PTAFR: variants seen among roughly 807,000 people sequenced by gnomAD.
The protein encoded by PTAFR is platelet activating factor receptor.
In PTAFR, 8 loss-of-function variants were observed where a neutral mutation model predicts 14.7. That is an observed-to-expected ratio of 0.54 (90% CI 0.32 to 0.98). The LOEUF is 0.98. PTAFR is among the 50% of genes least tolerant of loss of function. The pLI is 0.04. For synonymous variants in PTAFR, 156 were observed against 176.5 expected (o/e 0.88, Z 0.92); for missense variants, 337 against 451.2 (o/e 0.75, Z 2.29).
chr1:28,171,663 A>G (rs72659810), intron 1 of PTAFR, among the ~76,000 whole-genome samples: 2,911 of 152,220 alleles, frequency 0.019, 46 homozygotes, highest in Admixed American at 0.028. Context: ...ATGAAGCACC[A>G]TGTCTGGGAG....
upstream of PTAFR, among the ~76,000 whole-genome samples, chr1:28,179,554 G>A (rs1629168): frequency 0.29 from 43,551 of 151,992 alleles, 6,469 homozygotes; most frequent in African/African-American, 0.33. Context: ...AGTGACTCAC[G>A]CCTGTAATCC....
In PTAFR at chr1:28,148,292, T is replaced by C. The variant is rs1030369916; in HGVS notation, c.*1701A>G. The C allele has an allele frequency of 3.9e-5, 6 of 152,304 alleles. No homozygotes were observed. Among genetic ancestry groups the C allele is most frequent in the South Asian group, 2.1e-4 (1 of 4,830 alleles). The allele number at this position is 152,304 out of a possible 1,614,324, so 9.4% of individuals were successfully genotyped here. A position where few individuals can be genotyped will look rare whatever the true frequency, so the allele number is the denominator to read the frequency against. Reference sequence around the variant, plus strand: ...AAGCTGACACCTGGCTGACACCTGCTGACAGTAACTGCTCCTCCCACCTCC... The same window carrying C: ...AAGCTGACACCTGGCTGACACCTGCCGACAGTAACTGCTCCTCCCACCTCC... On this transcript the variant is annotated 3_prime_UTR_variant, in exon 2 of 2. Coordinates refer to ENST00000373857, the MANE Select transcript of PTAFR (RefSeq NM_000952.5).
intron 1 of PTAFR, among the ~76,000 whole-genome samples, chr1:28,153,078 G>A (rs565835950): frequency 3.1e-4 from 47 of 152,050 alleles, no homozygotes; most frequent in African/African-American, 1.0e-3. Flanking sequence ...AGGACCGAGT[G>A]AGCCCAGGAG....
chr1:28,148,912 G>T lies in PTAFR; in HGVS notation c.*1081C>A, dbSNP rs947069769. The T allele has an allele frequency of 6.6e-6, 1 of 152,200 alleles. No individual in the cohort carries two copies. The highest frequency in any genetic ancestry group is 2.4e-5 in the African/African-American group (1 of 41,450). 9.4% of individuals were successfully genotyped at this position (152,200 alleles called of 1,614,324 possible). On this transcript the variant is annotated 3_prime_UTR_variant, in exon 2 of 2. Transcript: ENST00000373857. ...CCAATTTTGCTTTCAAGGGGCCTTT[G>T]CCCACCCTCAGTGGGTGGCTGCCCC...
chr1:28,189,262 C>T (rs1314325845), intron 1 of PTAFR, among the ~76,000 whole-genome samples: 1 of 152,084 alleles, frequency 6.6e-6, no homozygotes, highest in Non-Finnish European at 1.5e-5. Flanking sequence ...TATGATTCTT[C>T]AGTGCGATCC....
At position 28,149,856 on chromosome 1, in the gene PTAFR, AGGTGAGGTAGCC is replaced by A; in HGVS notation, c.*125_*136del. 1 of 1,182,734 alleles carries A rather than the reference AGGTGAGGTAGCC, an allele frequency of 8.5e-7. No homozygotes were observed. Among genetic ancestry groups the A allele is most frequent in the Admixed American group, 2.6e-5 (1 of 38,394 alleles). The allele number at this position is 1,182,734 out of a possible 1,614,324, so 73.3% of individuals were successfully genotyped here. ...CCTGGCTCTGCCATCATCCCTGCCCAGGTGAGGTAGCCTCCAAATCTAATGGCCCACCAGTGC... is the reference window on the plus strand; with the variant it reads ...CCTGGCTCTGCCATCATCCCTGCCCATCCAAATCTAATGGCCCACCAGTGC... On this transcript the variant is annotated 3_prime_UTR_variant, in exon 2 of 2. Transcript: ENST00000373857.
chr1:28,166,254 C>T (rs535804598), intron 1 of PTAFR, among the ~76,000 whole-genome samples: 10 of 152,290 alleles, frequency 6.6e-5, no homozygotes, highest in Admixed American at 3.9e-4. Flanking sequence ...TGGATATCCA[C>T]ATGCAGAAGA....
intron 1 of PTAFR, among the ~76,000 whole-genome samples, chr1:28,155,455 A>G (rs1646253319): frequency 1.3e-5 from 2 of 152,002 alleles, no homozygotes; most frequent in African/African-American, 4.8e-5. Context: ...ATGATCCGCC[A>G]CCTCGGCCTC....
In PTAFR at chr1:28,173,399, A is replaced by T. The variant is rs182639292; in HGVS notation, c.-39+3193T>A. ...GGCAGGCGGATTGCTTGAGCACGGG[A>T]GTTCAAGACTAGCCTGGGCATCATG... On this transcript the variant is annotated intron_variant, in intron 1 of 1. Coordinates refer to ENST00000373857, the MANE Select transcript of PTAFR (RefSeq NM_000952.5). Among the ~76,000 whole-genome samples the T allele has an allele frequency of 2.7e-4, 41 of 152,040 alleles. No individual in the cohort carries two copies. In the East Asian group the frequency reaches 7.7e-3, roughly 29 times the overall value.
intron 1 of PTAFR, among the ~76,000 whole-genome samples, chr1:28,171,436 C>T (rs1646453455): frequency 6.6e-6 from 1 of 152,112 alleles, no homozygotes; most frequent in Non-Finnish European, 1.5e-5. Flanking sequence ...CCTGTTCTGA[C>T]ATGCCCTGTT....
At chr1:28,178,118 A>G (rs918824574), upstream of PTAFR, among the ~76,000 whole-genome samples, 3 of 152,128 alleles carry the variant, frequency 2.0e-5, no homozygotes, top group Non-Finnish European at 4.4e-5. Flanking sequence ...TCCCACAGCA[A>G]GGCAGGTATA....
chr1:28,182,515 A>G (rs1211621024), intron 1 of PTAFR, among the ~76,000 whole-genome samples: 5 of 151,804 alleles, frequency 3.3e-5, no homozygotes, highest in East Asian at 3.9e-4. Context: ...CTTTACAAAA[A>G]CTTTTTAAAA....
upstream of PTAFR, among the ~76,000 whole-genome samples, chr1:28,181,397 A>C (rs1054166918): frequency 6.6e-6 from 1 of 152,174 alleles, no homozygotes; most frequent in African/African-American, 2.4e-5. Flanking sequence ...ATAGGGATGC[A>C]CTCAACAAAC....
intron 1 of PTAFR, among the ~76,000 whole-genome samples, chr1:28,158,629 T>A (rs1381463742): frequency 1.3e-5 from 2 of 151,780 alleles, no homozygotes; most frequent in Admixed American, 6.6e-5. Flanking sequence ...ACCCAGTAGG[T>A]GGAGGTTGCA....
At chr1:28,169,005 A>AAAAAGAAAAG (rs986667006) in intron 1 of PTAFR, among the ~76,000 whole-genome samples, 1 of 152,100 alleles carries the variant, frequency 6.6e-6, no homozygotes, top group Admixed American at 6.6e-5. Flanking sequence ...CAGGATTTAA[A>AAAAAGAAAAG]AAAAGAAAAG....
Position 28,150,505 on chromosome 1 carries a change from A to G in PTAFR, c.517T>C (p.Cys173Arg). 6.2e-7 allele frequency: 1 copy of G among 1,614,238 alleles called. No individual in the cohort carries two copies. Among genetic ancestry groups the G allele is most frequent in the Non-Finnish European group, 8.5e-7 (1 of 1,180,034 alleles). ...DSAGSGNVTR[C>R]FEHYEKGSVP... ...CTGCCCTTCTCGTAATGCTCAAAGCAGCGAGTGACGTTGCCTGAGCCAGCA... is the reference window on the plus strand; with the variant it reads ...CTGCCCTTCTCGTAATGCTCAAAGCGGCGAGTGACGTTGCCTGAGCCAGCA... Residue 173 changes from cysteine to arginine, a missense_variant, in exon 2 of 2, where the codon TGC (cysteine) becomes CGC (arginine). By Grantham distance (180) the Cys-to-Arg change is radical. Transcript: ENST00000373857. The surrounding 1 kb of genome is among the most constrained non-coding windows in gnomAD (Gnocchi z 6.3).
At chr1:28,167,633 A>ATTTTTTTTTTTTTTTTT (rs780344665) in intron 1 of PTAFR, among the ~76,000 whole-genome samples, 5 of 80,252 alleles carry the variant, frequency 6.2e-5, no homozygotes, top group African/African-American at 1.7e-4. Flanking sequence ...TGAAAACGGG[A>ATTTTTTTTTTTTTTTTT]TTTTTTTTTT....
At chr1:28,167,201 C>T (rs565925352) in intron 1 of PTAFR, among the ~76,000 whole-genome samples, 3 of 152,216 alleles carry the variant, frequency 2.0e-5, no homozygotes, top group South Asian at 2.1e-4. Flanking sequence ...GGCAACCTTT[C>T]GGATGGAACC....
intron 1 of PTAFR, among the ~76,000 whole-genome samples, chr1:28,184,507 G>A (rs183265763): frequency 6.6e-6 from 1 of 152,268 alleles, no homozygotes; most frequent in African/African-American, 2.4e-5. Context: ...AGAAGTCAAA[G>A]TCCTTTAAAG....
Sources: allele counts gnomAD v4.1 joint callset (sites outside exome capture counted in the v4.1 genomes callset), GRCh38; gene constraint gnomAD v4.1.1; non-coding constraint Gnocchi (gnomAD v3.1); transcripts MANE v1.5; gene names NCBI Gene and HGNC (gene_info 2026-07-23, HGNC 2026-07-21).